DLC1: variants seen among roughly 807,000 people sequenced by gnomAD.
DLC1 encodes DLC1 Rho GTPase activating protein.
Under a neutral mutation model 140.3 loss-of-function variants are expected in DLC1, and 54 were observed. The ratio of observed to expected loss-of-function variants is 0.38; its 90% CI spans 0.31 to 0.48. The LOEUF is 0.48. Ranked by LOEUF, DLC1 falls within the 20% of genes least tolerant of loss-of-function variation. The pLI is 0.96. For missense variants in DLC1, 2,536 were observed against 1,907.0 expected (o/e 1.33, Z -6.14); for synonymous variants, 986 against 728.1 (o/e 1.35, Z -5.70).
intron 5 of DLC1, chr8:13,133,305 C>A (rs147909538): frequency 2.8e-5 from 35 of 1,235,812 alleles, no homozygotes; most frequent in Middle Eastern, 6.4e-4. Context: ...CCGCGCGCTC[C>A]GCCAGCCGGG....
Position 13,305,095 on chromosome 8 carries a change from G to A in DLC1, c.1348+174C>T, listed in dbSNP as rs542685437. 6.9e-4 allele frequency: 879 copies of A among 1,272,450 alleles called. 2 individuals are homozygous for A. Among genetic ancestry groups the A allele is most frequent in the Middle Eastern group, 1.6e-3 (5 of 3,184 alleles). The allele number at this position is 1,272,450 out of a possible 1,614,324, so 78.8% of individuals were successfully genotyped here. A position where few individuals can be genotyped will look rare whatever the true frequency, so the allele number is the denominator to read the frequency against. On this transcript the variant is annotated intron_variant, in intron 5 of 17. Transcript: ENST00000276297. ...CAATGTCATTATGTCAGAAAACCAC[G>A]TATATTTTTCTTACATATTGAGCAA... is the stretch of plus-strand genomic sequence containing the variant.
At chr8:13,567,380 T>G in intron 1 of DLC1, 1 of 1,551,662 alleles carries the variant, frequency 6.4e-7, no homozygotes, top group Non-Finnish European at 8.7e-7. Context: ...ACCATGAAGA[T>G]AAATTTGATT....
intron 2 of DLC1, among the ~76,000 whole-genome samples, chr8:13,422,095 C>T (rs927358300): frequency 6.6e-6 from 1 of 151,996 alleles, no homozygotes; most frequent in Non-Finnish European, 1.5e-5. Context: ...TCTTTTGAGT[C>T]AGAGAGCTTA....
chr8:13,151,462 C>T (rs1402650215), intron 5 of DLC1, among the ~76,000 whole-genome samples: 1 of 152,136 alleles, frequency 6.6e-6, no homozygotes, highest in East Asian at 1.9e-4. Flanking sequence ...GACTCCAACC[C>T]AGGGATTCAG....
chr8:13,133,711 G>C (rs375213966), intron 5 of DLC1, among the ~76,000 whole-genome samples: 2 of 152,068 alleles, frequency 1.3e-5, no homozygotes, highest in Admixed American at 1.3e-4. Context: ...CTGGACCCTA[G>C]TGTGCCTTGA....
intron 7 of DLC1, among the ~76,000 whole-genome samples, chr8:13,108,585 G>C (rs1453137285): frequency 2.0e-5 from 3 of 152,202 alleles, no homozygotes; most frequent in Non-Finnish European, 4.4e-5. Flanking sequence ...TTCTGAAAAA[G>C]CATTCAAGAA....
At chr8:13,371,583 CTT>C (rs36085176) in intron 4 of DLC1, among the ~76,000 whole-genome samples, 1 of 147,210 alleles carries the variant, frequency 6.8e-6, no homozygotes, top group African/African-American at 2.5e-5. Context: ...CTCACAATGA[CTT>C]TTTTTTTTTT....
At chr8:13,290,604 A>C (rs1040828706) in intron 5 of DLC1, among the ~76,000 whole-genome samples, 9 of 152,172 alleles carry the variant, frequency 5.9e-5, no homozygotes, top group African/African-American at 2.2e-4. Flanking sequence ...TCTTAATAAT[A>C]ATAATAAAGA....
chr8:13,216,001 A>G (rs2117127609), intron 5 of DLC1, among the ~76,000 whole-genome samples: 1 of 152,092 alleles, frequency 6.6e-6, no homozygotes, highest in East Asian at 1.9e-4. Flanking sequence ...TTCCTAGGTG[A>G]TTTTTCTAAC....
chr8:13,420,153 T>C (rs1585077414), intron 2 of DLC1, among the ~76,000 whole-genome samples: 3 of 152,278 alleles, frequency 2.0e-5, no homozygotes, highest in Admixed American at 2.0e-4. Context: ...GTTAATCCTT[T>C]CAAAAAACCA....
intron 3 of DLC1, 132 bp downstream of exon 3, chr8:13,401,338 T>A (rs916399879): frequency 8.7e-7 from 1 of 1,154,612 alleles, no homozygotes; most frequent in African/African-American, 1.6e-5. Context: ...ATTTTGGTTA[T>A]CTTTATGGTA....
intron 4 of DLC1, among the ~76,000 whole-genome samples, chr8:13,322,612 C>G (rs1346234517): frequency 6.6e-6 from 1 of 152,068 alleles, no homozygotes; most frequent in Non-Finnish European, 1.5e-5. Context: ...AAAGTTTTAG[C>G]TTATCTTTAA....
At chr8:13,556,539 G>A (rs948763752) in intron 1 of DLC1, among the ~76,000 whole-genome samples, 9 of 152,176 alleles carry the variant, frequency 5.9e-5, no homozygotes, top group African/African-American at 2.2e-4. Context: ...ACTCCTTCAT[G>A]ATGCCTGCTT....
chr8:13,237,183 G>GTATATA (rs775302583), intron 5 of DLC1, among the ~76,000 whole-genome samples: 2 of 135,646 alleles, frequency 1.5e-5, no homozygotes, highest in African/African-American at 5.5e-5. Flanking sequence ...GAGGATGTGT[G>GTATATA]TATATATATA....
At chr8:13,361,176 G>A (rs1337383974) in intron 4 of DLC1, among the ~76,000 whole-genome samples, 1 of 152,092 alleles carries the variant, frequency 6.6e-6, no homozygotes, top group African/African-American at 2.4e-5. Flanking sequence ...AGGCTGCAGT[G>A]AGCCTTAATT....
chr8:13,567,163 G>T, intron 1 of DLC1: 1 of 1,551,780 alleles, frequency 6.4e-7, no homozygotes, highest in Non-Finnish European at 8.7e-7. Context: ...ACTGGAGAGG[G>T]AAAAGCAGAC....
At chr8:13,528,244 G>T (rs1043752615) in intron 1 of DLC1, among the ~76,000 whole-genome samples, 17 of 151,774 alleles carry the variant, frequency 1.1e-4, no homozygotes, top group African/African-American at 1.5e-4. Flanking sequence ...TCTACACCCT[G>T]GTCTTAATTA....
intron 9 of DLC1, 135 bp downstream of exon 9, chr8:13,099,212 G>GT (rs1818766107): frequency 6.9e-7 from 1 of 1,453,284 alleles, no homozygotes; most frequent in Non-Finnish European, 9.1e-7. Context: ...GTGCTTCCTG[G>GT]TTTGACACCT....
chr8:13,594,439 A>G (rs1334767617), intron 1 of DLC1, among the ~76,000 whole-genome samples: 2 of 151,988 alleles, frequency 1.3e-5, no homozygotes, highest in African/African-American at 4.8e-5. Context: ...TGTTACTACT[A>G]TCTATCCTCA....
Sources: allele counts gnomAD v4.1 joint callset (sites outside exome capture counted in the v4.1 genomes callset), GRCh38; gene constraint gnomAD v4.1.1; transcripts MANE v1.5; gene names NCBI Gene and HGNC (gene_info 2026-07-23, HGNC 2026-07-21).